The following CCDC77 variants were observed in gnomAD, a reference collection of about 807,000 sequenced individuals.
CCDC77 encodes coiled-coil domain-containing protein 77.
In CCDC77, 56 loss-of-function variants were observed where a neutral mutation model predicts 66.8. The observed-to-expected ratio is 0.84, with a 90% CI of 0.68 to 1.05. The LOEUF is 1.05. Among genes scored for constraint, CCDC77 ranks in the 50% least tolerant of loss-of-function variants. The pLI, the probability that CCDC77 is intolerant of heterozygous loss-of-function variation, is 0.00. For synonymous variants in CCDC77, 196 were observed against 195.2 expected (o/e 1.00, Z -0.03); for missense variants, 570 against 576.8 (o/e 0.99, Z 0.12).
intron 5 of CCDC77, among the ~76,000 whole-genome samples, chr12:419,419 A>G (rs531587964): frequency 6.6e-6 from 1 of 151,966 alleles, no homozygotes; most frequent in Non-Finnish European, 1.5e-5. Flanking sequence ...ATGTTCCATT[A>G]CAGTGCTCTT....
chr12:440,719 G>C lies in CCDC77; in HGVS notation c.1144G>C (p.Gly382Arg). The C allele has an allele frequency of 1.2e-6, 2 of 1,614,056 alleles. No individual in the cohort carries two copies. The highest frequency in any genetic ancestry group is 3.3e-5 in the Admixed American group (2 of 60,022). ...EELARIREEE[G>R]MRREIFKDRT... The stretch of plus-strand genomic sequence containing the variant: ...ACTTGCCCGAATTCGTGAGGAAGAG[G>C]GAATGAGGAGAGAGATCTTCAAGGT... The change falls in exon 11 of 13, where the codon GGA (glycine) becomes CGA (arginine). Residue 382 changes from glycine (G) to arginine (R), a missense_variant. Coordinates refer to ENST00000239830, the MANE Select transcript of CCDC77 (RefSeq NM_032358.4).
intron 4 of CCDC77, among the ~76,000 whole-genome samples, chr12:416,914 C>T (rs915096535): frequency 6.6e-6 from 1 of 150,884 alleles, no homozygotes; most frequent in Non-Finnish European, 1.5e-5. Flanking sequence ...TCGAGGCCGG[C>T]GGATCACCTG....
intron 12 of CCDC77, 83 bp from the exon 13 acceptor site, chr12:441,691 A>G: frequency 1.4e-6 from 2 of 1,447,456 alleles, no homozygotes; most frequent in Non-Finnish European, 1.9e-6. Flanking sequence ...AGGAGCTAGC[A>G]TAGCTGTGTC....
chr12:438,635 G>A (rs1037286253), intron 10 of CCDC77, 81 bp downstream of exon 10: 53 of 1,075,588 alleles, frequency 4.9e-5, no homozygotes, highest in Admixed American at 6.5e-5. Context: ...AATTTGTAAT[G>A]TAAGATCCAT....
intron 1 of CCDC77, among the ~76,000 whole-genome samples, chr12:392,437 C>A (rs778311088): frequency 6.6e-6 from 1 of 152,030 alleles, no homozygotes; most frequent in Non-Finnish European, 1.5e-5. Context: ...GGTGTCAGGA[C>A]GCCTTTACTC....
intron 4 of CCDC77, among the ~76,000 whole-genome samples, chr12:415,373 T>TTAA (rs1945216787): frequency 8.1e-6 from 1 of 123,770 alleles, no homozygotes; most frequent in South Asian, 2.6e-4. Flanking sequence ...GTTAATATAA[T>TTAA]CAACATAATA....
chr12:392,182 AT>A (rs1207710315), intron 1 of CCDC77, among the ~76,000 whole-genome samples: 1 of 152,034 alleles, frequency 6.6e-6, no homozygotes, highest in African/African-American at 2.4e-5. Context: ...AAAAAAAAAA[AT>A]TAGAGTATTA....
intron 1 of CCDC77, among the ~76,000 whole-genome samples, chr12:390,762 T>C (rs1004585010): frequency 1.4e-4 from 16 of 116,966 alleles, no homozygotes; most frequent in African/African-American, 5.2e-4. Flanking sequence ...CACACACACA[T>C]CTTATTGGTT....
At chr12:390,185 G>A (rs1246152409) in intron 1 of CCDC77, 1 of 147,916 alleles carries the variant, frequency 6.8e-6, no homozygotes, top group East Asian at 2.0e-4. Flanking sequence ...CACTTCCCAT[G>A]TATAATCGTG....
At chr12:432,156 G>A (rs1945663963) in intron 8 of CCDC77, among the ~76,000 whole-genome samples, 2 of 152,126 alleles carry the variant, frequency 1.3e-5, no homozygotes. Context: ...ACATTCTTAA[G>A]GTGCTACTCT....
At chr12:417,404 G>A (rs1003309471) in intron 4 of CCDC77, among the ~76,000 whole-genome samples, 4 of 151,910 alleles carry the variant, frequency 2.6e-5, no homozygotes, top group Non-Finnish European at 4.4e-5. Flanking sequence ...GGGTGGTAGC[G>A]CTTTGATTTC....
chr12:436,755 A>G (rs1945767018), intron 9 of CCDC77: 2 of 984,584 alleles, frequency 2.0e-6, no homozygotes, highest in South Asian at 4.7e-5. Flanking sequence ...ATCTGAGCAC[A>G]TGATCGGTTC....
In CCDC77 at chr12:428,447, G is replaced by T. The variant is rs141213385; in HGVS notation, c.414-322G>T. ...AATGGCGTGAACCCGGCAGGCGGAG[G>T]TTGCAGTGAGCCAAGACCGCACCAT... On this transcript the variant is annotated intron_variant, in intron 5 of 12. Coordinates refer to ENST00000239830, the MANE Select transcript of CCDC77 (RefSeq NM_032358.4). Among the ~76,000 whole-genome samples, 835 of 147,972 alleles carry T rather than the reference G, an allele frequency of 5.6e-3. 2 individuals are homozygous for T. The highest frequency in any genetic ancestry group is 0.011 in the Admixed American group (165 of 14,688).
chr12:393,553 G>A (rs1440490368), intron 1 of CCDC77, among the ~76,000 whole-genome samples: 4 of 144,326 alleles, frequency 2.8e-5, no homozygotes, highest in African/African-American at 1.0e-4. Flanking sequence ...TTTTTTTTGA[G>A]ACAGAGTCTC....
chr12:412,384 T>C (rs1266530226), intron 4 of CCDC77, among the ~76,000 whole-genome samples: 1 of 152,260 alleles, frequency 6.6e-6, no homozygotes, highest in African/African-American at 2.4e-5. Flanking sequence ...TGCTCAATTA[T>C]TCTTCTGCTC....
intron 3 of CCDC77, 48 bp from the exon 4 acceptor site, chr12:411,699 T>C: frequency 2.0e-6 from 3 of 1,473,766 alleles, no homozygotes; most frequent in East Asian, 2.3e-5. Flanking sequence ...TTATAACTCA[T>C]AAACTTTCGC....
At position 433,307 on chromosome 12, in the gene CCDC77, AAG is replaced by A; in HGVS notation, c.809_810del (p.Glu270AlafsTer14). The A allele has an allele frequency of 1.2e-6, 2 of 1,614,054 alleles. No homozygotes were observed. The highest frequency in any genetic ancestry group is 1.7e-6 in the Non-Finnish European group (2 of 1,179,980). ...CACCAGAGAAATCAGAACAAAATCA[AAG>A]AGCTAACCAAAAAGTGAGTGTCTAA... On this transcript the variant is annotated frameshift_variant, in exon 9 of 13. Transcript: ENST00000239830. LOFTEE classifies it high-confidence loss of function.
intron 2 of CCDC77, among the ~76,000 whole-genome samples, chr12:406,383 G>A (rs980414660): frequency 1.3e-4 from 20 of 152,300 alleles, no homozygotes; most frequent in Admixed American, 6.5e-5. Context: ...TGTAGGTACG[G>A]GGACTCTGAA....
intron 1 of CCDC77, among the ~76,000 whole-genome samples, chr12:393,290 T>G (rs1944782724): frequency 6.6e-6 from 1 of 151,926 alleles, no homozygotes; most frequent in Non-Finnish European, 1.5e-5. Flanking sequence ...AAAAAAAATT[T>G]TTTTGTAGAC....
Sources: gnomAD v4.1 joint callset for allele counts (sites outside exome capture counted in the v4.1 genomes callset) on GRCh38, gnomAD v4.1.1 for gene constraint, MANE v1.5 for transcripts, NCBI Gene and HGNC (gene_info 2026-07-23, HGNC 2026-07-21) for gene names.